The following DTD1 variants were observed in gnomAD, a reference collection of about 807,000 sequenced individuals.
DTD1 encodes D-tyrosyl-tRNA deacylase 1 homolog.
A neutral mutation model predicts 25.6 loss-of-function variants in DTD1; 13 were observed. The observed-to-expected ratio is 0.51, with a 90% confidence interval of 0.33 to 0.81. The LOEUF (loss-of-function observed/expected upper bound fraction) is 0.81, where lower values mean the gene tolerates loss of function less well. Among genes scored for constraint, DTD1 ranks in the 30% least tolerant of loss-of-function variants. DTD1 has a pLI of 0.02. For synonymous variants in DTD1, 110 were observed against 103.6 expected (o/e 1.06, Z -0.37); for missense variants, 193 against 266.4 (o/e 0.72, Z 1.92).
intron 4 of DTD1, among the ~76,000 whole-genome samples, chr20:18,645,869 G>A (rs1052215931): frequency 6.6e-6 from 1 of 152,202 alleles, no homozygotes; most frequent in African/African-American, 2.4e-5. Context: ...TGAAATGTTA[G>A]TATTTTAGCA....
chr20:18,639,179 T>TTAAAA (rs139974142), intron 4 of DTD1, among the ~76,000 whole-genome samples: 2 of 86,826 alleles, frequency 2.3e-5, no homozygotes, highest in Admixed American at 1.2e-4. Context: ...GTTTTTTTTT[T>TTAAAA]AAGAAAAAAA....
chr20:18,651,203 G>A (rs1008963093), intron 4 of DTD1, among the ~76,000 whole-genome samples: 3 of 152,208 alleles, frequency 2.0e-5, no homozygotes, highest in South Asian at 2.1e-4. Context: ...GCCGGCTAGA[G>A]TACAGTGGTG....
chr20:18,683,923 GT>G (rs1033719697), intron 4 of DTD1, among the ~76,000 whole-genome samples: 7 of 152,086 alleles, frequency 4.6e-5, no homozygotes, highest in African/African-American at 1.4e-4. Context: ...TGTAACTATG[GT>G]TTTTTTCCCC....
chr20:18,714,085 G>A (rs1329329857), intron 4 of DTD1, among the ~76,000 whole-genome samples: 2 of 152,170 alleles, frequency 1.3e-5, no homozygotes, highest in Non-Finnish European at 2.9e-5. Flanking sequence ...TGACTGTGAG[G>A]CCTACCCACC....
At chr20:18,591,217 T>A (rs1568637825) in intron 1 of DTD1, among the ~76,000 whole-genome samples, 1 of 152,242 alleles carries the variant, frequency 6.6e-6, no homozygotes, top group Admixed American at 6.5e-5. Flanking sequence ...CAGCAGTCTC[T>A]GTGTCATATA....
At chr20:18,594,621 T>C (rs1456772388) in intron 2 of DTD1, among the ~76,000 whole-genome samples, 1 of 152,198 alleles carries the variant, frequency 6.6e-6, no homozygotes, top group African/African-American at 2.4e-5. Flanking sequence ...AGAGCTTGGG[T>C]ATAACCCTGC....
intron 4 of DTD1, among the ~76,000 whole-genome samples, chr20:18,633,515 C>A (rs1421195397): frequency 6.6e-6 from 1 of 152,152 alleles, no homozygotes; most frequent in Admixed American, 6.5e-5. Flanking sequence ...CTGCCCTGTC[C>A]AGGGAGGTGT....
chr20:18,713,260 C>T (rs950321532), intron 4 of DTD1, among the ~76,000 whole-genome samples: 5 of 152,234 alleles, frequency 3.3e-5, no homozygotes, highest in Non-Finnish European at 7.3e-5. Context: ...TAGTGTCTGA[C>T]TTTATAGGTG....
chr20:18,607,731 TGAGATA>T (rs1302762216), intron 3 of DTD1, among the ~76,000 whole-genome samples: 1 of 152,030 alleles, frequency 6.6e-6, no homozygotes, highest in African/African-American at 2.4e-5. Flanking sequence ...TTTTTTTTTT[TGAGATA>T]GAGTCTCGCT....
intron 3 of DTD1, among the ~76,000 whole-genome samples, chr20:18,623,705 A>G (rs1354219005): frequency 6.6e-6 from 1 of 152,134 alleles, no homozygotes; most frequent in Non-Finnish European, 1.5e-5. Flanking sequence ...CAGCCTATTA[A>G]TGGGCCTCCT....
At chr20:18,678,460 A>G (rs769755610) in intron 4 of DTD1, among the ~76,000 whole-genome samples, 7 of 152,214 alleles carry the variant, frequency 4.6e-5, no homozygotes, top group Non-Finnish European at 1.0e-4. Context: ...GACATGTAGT[A>G]TCTCTTGAGT....
intron 5 of DTD1, among the ~76,000 whole-genome samples, chr20:18,760,531 T>G (rs2061357314): frequency 6.6e-6 from 1 of 152,160 alleles, no homozygotes; most frequent in Non-Finnish European, 1.5e-5. Context: ...CTATCAGCAG[T>G]GGAGGCTGCA....
intron 4 of DTD1, among the ~76,000 whole-genome samples, chr20:18,710,053 A>C (rs1478694670): frequency 6.6e-6 from 1 of 152,176 alleles, no homozygotes; most frequent in Non-Finnish European, 1.5e-5. Flanking sequence ...TGAATAGGGC[A>C]GCTTTATGAT....
intron 4 of DTD1, among the ~76,000 whole-genome samples, chr20:18,738,717 C>T (rs1483658511): frequency 2.0e-5 from 3 of 152,168 alleles, no homozygotes; most frequent in African/African-American, 7.2e-5. Flanking sequence ...CCAGACATTG[C>T]CACCTCTGAA....
At chr20:18,718,061 T>A (rs2061188385) in intron 4 of DTD1, among the ~76,000 whole-genome samples, 2 of 152,226 alleles carry the variant, frequency 1.3e-5, no homozygotes, top group Admixed American at 6.5e-5. Flanking sequence ...CAAATGTTTT[T>A]AGGTTCAGTT....
chr20:18,708,244 A>ATATATATT (rs370120832), intron 4 of DTD1, among the ~76,000 whole-genome samples: 1 of 41,420 alleles, frequency 2.4e-5, no homozygotes, highest in Non-Finnish European at 3.8e-5. Flanking sequence ...ATATATATAT[A>ATATATATT]ATATATATTA....
intron 3 of DTD1, among the ~76,000 whole-genome samples, chr20:18,619,487 C>CA (rs1191376261): frequency 6.6e-6 from 1 of 151,956 alleles, no homozygotes; most frequent in Non-Finnish European, 1.5e-5. Context: ...TGCAGTGGCA[C>CA]AATCTTGGCT....
intron 1 of DTD1, among the ~76,000 whole-genome samples, chr20:18,590,119 CATTTT>C (rs2060583258): frequency 6.6e-6 from 1 of 152,154 alleles, no homozygotes. Context: ...AGGAGTCACA[CATTTT>C]ATTTTATTTT....
chr20:18,661,146 A>G (rs2060908226), intron 4 of DTD1, among the ~76,000 whole-genome samples: 1 of 152,156 alleles, frequency 6.6e-6, no homozygotes, highest in Admixed American at 6.5e-5. Flanking sequence ...TGATCACTGT[A>G]GCTTCATAGT....
Sources: allele counts gnomAD v4.1 joint callset (sites outside exome capture counted in the v4.1 genomes callset), GRCh38; gene constraint gnomAD v4.1.1; transcripts MANE v1.5; gene names NCBI Gene and HGNC (gene_info 2026-07-23, HGNC 2026-07-21).